Variants in CA12 observed in about 807,000 individuals in gnomAD.
The protein encoded by CA12 is carbonic anhydrase 12.
CA12 carries 36 observed loss-of-function variants against 46.8 expected under a neutral mutation model. The observed-to-expected ratio is 0.77, with a 90% confidence interval of 0.59 to 1.02. The LOEUF (loss-of-function observed/expected upper bound fraction) is 1.02. CA12 is among the 50% of genes least tolerant of loss of function. The probability of loss-of-function intolerance (pLI) is 0.00; values close to 1 mark genes in which losing one functional copy is unlikely to be tolerated. For missense variants in CA12, 436 were observed against 451.4 expected, an observed-to-expected ratio of 0.97 and a Z score of 0.31; for synonymous variants, 202 against 187.0, an observed-to-expected ratio of 1.08 and a Z score of -0.65.
At chr15:63,343,405 C>T (rs1193327412) in intron 4 of CA12, among the ~76,000 whole-genome samples, 1 of 151,632 alleles carries the variant, frequency 6.6e-6, no homozygotes, top group Non-Finnish European at 1.5e-5. Flanking sequence ...CCTCAGCCTC[C>T]CGAGTAGCTA....
intron 4 of CA12, 97 bp from the exon 5 acceptor site, chr15:63,342,194 C>A: frequency 1.3e-6 from 1 of 795,024 alleles, no homozygotes. Context: ...GGACAGAACC[C>A]CAGCCCCCTC....
intron 2 of CA12, among the ~76,000 whole-genome samples, chr15:63,367,947 T>A (rs1297352674): frequency 6.6e-6 from 1 of 152,214 alleles, no homozygotes; most frequent in Non-Finnish European, 1.5e-5. Context: ...TAACTGCAAG[T>A]TGGAAAAAGC....
intron 2 of CA12, among the ~76,000 whole-genome samples, chr15:63,371,617 T>A (rs1377086556): frequency 6.6e-6 from 1 of 152,234 alleles, no homozygotes; most frequent in Non-Finnish European, 1.5e-5. Context: ...TCATCCATGT[T>A]CTTCTGCCAT....
chr15:63,362,081 T>A (rs553474177), intron 2 of CA12, among the ~76,000 whole-genome samples: 1 of 152,326 alleles, frequency 6.6e-6, no homozygotes, highest in East Asian at 1.9e-4. Context: ...CCCTGTGGTT[T>A]CTGTCACTAC....
In CA12 at chr15:63,328,250, G is replaced by A; in HGVS notation, c.875-120C>T. On this transcript the variant is annotated intron_variant, in intron 8 of 10. Transcript: ENST00000178638. This position sits in a 1 kb window ranked among gnomAD's most constrained non-coding sequence, Gnocchi z 5.9. ...CTTAGGCTGACAGACCTCTAGGGAT[G>A]TCCACCCTTGGCTCAGGGATTGCCT... The A allele has an allele frequency of 1.1e-6, 1 of 878,810 alleles. No homozygotes were observed. The highest frequency in any genetic ancestry group is 1.9e-6 in the Non-Finnish European group (1 of 530,348). 54.4% of individuals were successfully genotyped at this position (878,810 alleles called of 1,614,324 possible). A position where few individuals can be genotyped will look rare whatever the true frequency, so the allele number is the denominator to read the frequency against.
intron 4 of CA12, among the ~76,000 whole-genome samples, chr15:63,342,836 C>G (rs902996603): frequency 3.9e-5 from 6 of 152,162 alleles, no homozygotes; most frequent in African/African-American, 1.4e-4. Flanking sequence ...GATTTTAACT[C>G]TATTTCTTTT....
Position 63,341,862 on chromosome 15 carries a change from G to A in CA12, c.525+140C>T. ...CCAAGAGAGAAGGTGCACTACAGGA[G>A]GATACCCCCTGCTCTGGAGTTGACA... is the stretch of plus-strand genomic sequence containing the variant. On this transcript the variant is annotated intron_variant, in intron 5 of 10. Coordinates refer to ENST00000178638, the MANE Select transcript of CA12 (RefSeq NM_001218.5). The surrounding 1 kb of genome is among the most constrained non-coding windows in gnomAD (Gnocchi z 5.2). 1 of 701,648 alleles carries A rather than the reference G, an allele frequency of 1.4e-6. No homozygotes were observed. Among genetic ancestry groups the A allele is most frequent in the Admixed American group, 2.0e-5 (1 of 49,452 alleles). The allele number at this position is 701,648 out of a possible 1,614,324, so 43.5% of individuals were successfully genotyped here. A position where few individuals can be genotyped will look rare whatever the true frequency, so the allele number is the denominator to read the frequency against.
intron 10 of CA12, among the ~76,000 whole-genome samples, chr15:63,326,752 T>G (rs1423209501): frequency 6.6e-6 from 1 of 152,146 alleles, no homozygotes; most frequent in Non-Finnish European, 1.5e-5. Flanking sequence ...GAAGAGTTAA[T>G]GTGAGTGAGA....
chr15:63,373,913 C>A lies in CA12; in HGVS notation c.106+1745G>T, dbSNP rs1367125412. ...AACCTGCCCAAGGGGCCCTGTGGCCCAGATTCTGCGATTCTTACTTTGTCA... is the reference window on the plus strand; with the variant it reads ...AACCTGCCCAAGGGGCCCTGTGGCCAAGATTCTGCGATTCTTACTTTGTCA... On this transcript the variant is annotated intron_variant, in intron 2 of 10. Transcript: ENST00000178638. The surrounding 1 kb of genome is among the most constrained non-coding windows in gnomAD (Gnocchi z 4.9). Among the ~76,000 whole-genome samples, 1 of 152,234 alleles carries A rather than the reference C, an allele frequency of 6.6e-6. No individual in the cohort carries two copies. The highest frequency in any genetic ancestry group is 6.5e-5 in the Admixed American group (1 of 15,286).
Position 63,345,468 on chromosome 15 carries a change from C to A in CA12, c.429+9G>T. 1 of 1,605,050 alleles carries A rather than the reference C, an allele frequency of 6.2e-7. No homozygotes were observed. Among genetic ancestry groups the A allele is most frequent in the Non-Finnish European group, 8.5e-7 (1 of 1,179,918 alleles). On this transcript the variant is annotated intron_variant, in intron 4 of 10. Coordinates refer to ENST00000178638, the MANE Select transcript of CA12 (RefSeq NM_001218.5). This position sits in a 1 kb window ranked among gnomAD's most constrained non-coding sequence, Gnocchi z 4.3. ...GAGCAGCCTCTGCCAGACTGGCAGCCCTACTTACCTCGGCGGCGAAGTGCT... is the reference window on the plus strand; with the variant it reads ...GAGCAGCCTCTGCCAGACTGGCAGCACTACTTACCTCGGCGGCGAAGTGCT...
chr15:63,361,209 A>C (rs973748913), intron 2 of CA12, among the ~76,000 whole-genome samples: 1 of 152,266 alleles, frequency 6.6e-6, no homozygotes, highest in Non-Finnish European at 1.5e-5. Flanking sequence ...CCAACGGAGC[A>C]GTCCAGATGC....
chr15:63,380,194 A>C (rs2039627304), intron 1 of CA12, among the ~76,000 whole-genome samples: 1 of 152,196 alleles, frequency 6.6e-6, no homozygotes, highest in African/African-American at 2.4e-5. Context: ...AGTGAGGCGA[A>C]AGTGGAGTTT....
chr15:63,353,389 A>G (rs1321337624), intron 2 of CA12, among the ~76,000 whole-genome samples: 2 of 152,178 alleles, frequency 1.3e-5, no homozygotes, highest in African/African-American at 4.8e-5. Flanking sequence ...AGGCTGGTAT[A>G]TTCTAGGGAT....
chr15:63,364,332 GAAAA>G (rs34673043), intron 2 of CA12, among the ~76,000 whole-genome samples: 30 of 56,116 alleles, frequency 5.3e-4, no homozygotes, highest in East Asian at 8.3e-4. Context: ...CCCGTCACTA[GAAAA>G]AAAAAAAAAA....
In CA12 at chr15:63,340,862, G is replaced by T; in HGVS notation, c.526-79C>A. 1 of 1,250,148 alleles carries T rather than the reference G, an allele frequency of 8.0e-7. No homozygotes were observed. Among genetic ancestry groups the T allele is most frequent in the Non-Finnish European group, 1.2e-6 (1 of 852,056 alleles). The allele number at this position is 1,250,148 out of a possible 1,614,324, so 77.4% of individuals were successfully genotyped here. On this transcript the variant is annotated intron_variant, in intron 5 of 10. Coordinates refer to ENST00000178638, the MANE Select transcript of CA12 (RefSeq NM_001218.5). The surrounding 1 kb of genome is among the most constrained non-coding windows in gnomAD (Gnocchi z 4.4). ...AGGATTGACGATTGCTATCAGAAGGGCAAAGCTGTGGGTATGTTGCCACCA... is the reference window on the plus strand; with the variant it reads ...AGGATTGACGATTGCTATCAGAAGGTCAAAGCTGTGGGTATGTTGCCACCA...
chr15:63,341,093 A>G lies in CA12; in HGVS notation c.526-310T>C, dbSNP rs1237254224. On this transcript the variant is annotated intron_variant, in intron 5 of 10. Coordinates refer to ENST00000178638, the MANE Select transcript of CA12 (RefSeq NM_001218.5). This position sits in a 1 kb window ranked among gnomAD's most constrained non-coding sequence, Gnocchi z 5.2. ...AGGCTTTGACTAACATCCATGTCAC[A>G]CAGAACTTAAGGAGCTCTGAGTTCA... 6.6e-6 allele frequency among the ~76,000 whole-genome samples: 1 copy of G among 152,182 alleles called. No individual in the cohort carries two copies. Among genetic ancestry groups the G allele is most frequent in the Admixed American group, 6.5e-5 (1 of 15,284 alleles).
At chr15:63,362,942 T>C (rs1394416717) in intron 2 of CA12, among the ~76,000 whole-genome samples, 3 of 152,166 alleles carry the variant, frequency 2.0e-5, no homozygotes, top group African/African-American at 7.2e-5. Flanking sequence ...CAATCACAGC[T>C]CTGCCACCGA....
rs1164601843 is a variant in CA12 at position 63,323,769 on chromosome 15, T to C, written c.*2516A>G. 6.6e-6 allele frequency: 1 copy of C among 152,250 alleles called. No homozygotes were observed. Among genetic ancestry groups the C allele is most frequent in the Non-Finnish European group, 1.5e-5 (1 of 68,014 alleles). 9.4% of individuals were successfully genotyped at this position (152,250 alleles called of 1,614,324 possible). ...TGAATTTGAAATGTGATTAATAGAGTCAATGCAGCACATGCTAGAAACAGA... is the reference window on the plus strand; with the variant it reads ...TGAATTTGAAATGTGATTAATAGAGCCAATGCAGCACATGCTAGAAACAGA... On this transcript the variant is annotated 3_prime_UTR_variant, in exon 11 of 11. Transcript: ENST00000178638. This position sits in a 1 kb window ranked among gnomAD's most constrained non-coding sequence, Gnocchi z 5.1.
intron 4 of CA12, 42 bp from the exon 5 acceptor site, chr15:63,342,139 C>CCTA: frequency 1.5e-6 from 2 of 1,292,924 alleles, no homozygotes; most frequent in South Asian, 1.2e-5. Flanking sequence ...ATAAGCGACT[C>CCTA]ATGGGAGCCT....
Sources: gnomAD v4.1 joint callset for allele counts (sites outside exome capture counted in the v4.1 genomes callset) on GRCh38, gnomAD v4.1.1 for gene constraint, Gnocchi (gnomAD v3.1) non-coding constraint, MANE v1.5 for transcripts, NCBI Gene and HGNC (gene_info 2026-07-23, HGNC 2026-07-21) for gene names.